SPAG16: variants seen among roughly 807,000 people sequenced by gnomAD.
SPAG16 encodes the protein sperm associated antigen 16.
A neutral mutation model predicts 80.4 loss-of-function variants in SPAG16; 86 were observed. That is an observed-to-expected ratio of 1.07 (90% CI 0.90 to 1.28). The LOEUF is 1.28. SPAG16 is among the 50% of genes most tolerant of loss of function. The pLI is 0.00. For missense variants in SPAG16, 870 were observed against 765.3 expected (o/e 1.14, Z -1.61); for synonymous variants, 294 against 265.9 (o/e 1.11, Z -1.03).
At chr2:213,909,348 A>G (rs2077562513) in intron 11 of SPAG16, among the ~76,000 whole-genome samples, 2 of 152,168 alleles carry the variant, frequency 1.3e-5, no homozygotes, top group Admixed American at 6.5e-5. Context: ...GCTACCAATG[A>G]CTTTCTTCAC....
intron 10 of SPAG16, among the ~76,000 whole-genome samples, chr2:213,603,464 A>G (rs977347009): frequency 1.3e-5 from 2 of 152,156 alleles, no homozygotes; most frequent in African/African-American, 4.8e-5. Context: ...TTTATTAATT[A>G]TTTTCTTCAT....
At chr2:213,649,366 G>A (rs1379069471) in intron 10 of SPAG16, among the ~76,000 whole-genome samples, 1 of 152,192 alleles carries the variant, frequency 6.6e-6, no homozygotes, top group Non-Finnish European at 1.5e-5. Context: ...ATACAATGAG[G>A]AGGTAGCTGG....
chr2:213,931,686 C>T (rs2078757513), intron 12 of SPAG16, among the ~76,000 whole-genome samples: 1 of 152,136 alleles, frequency 6.6e-6, no homozygotes, highest in South Asian at 2.1e-4. Flanking sequence ...GACTTGACAA[C>T]TTTTCTTTAT....
At chr2:214,128,416 C>T (rs902582441) in intron 14 of SPAG16, among the ~76,000 whole-genome samples, 10 of 151,766 alleles carry the variant, frequency 6.6e-5, no homozygotes, top group African/African-American at 1.9e-4. Context: ...AAGCTCTACT[C>T]AAGGCTTTTC....
At chr2:213,512,259 T>C (rs1359297374) in intron 10 of SPAG16, among the ~76,000 whole-genome samples, 1 of 152,138 alleles carries the variant, frequency 6.6e-6, no homozygotes, top group Non-Finnish European at 1.5e-5. Flanking sequence ...AGGTGGAGTA[T>C]ACATTTACTG....
intron 12 of SPAG16, among the ~76,000 whole-genome samples, chr2:213,984,305 G>A (rs2045903945): frequency 6.6e-6 from 1 of 152,016 alleles, no homozygotes; most frequent in South Asian, 2.1e-4. Context: ...GTTTGACAGT[G>A]TGCACACACA....
At chr2:213,626,610 GAC>G (rs2061967476) in intron 10 of SPAG16, among the ~76,000 whole-genome samples, 1 of 149,428 alleles carries the variant, frequency 6.7e-6, no homozygotes, top group South Asian at 2.1e-4. Context: ...AAGTTTGCAT[GAC>G]ACACTAGATA....
intron 15 of SPAG16, among the ~76,000 whole-genome samples, chr2:214,253,930 C>T (rs1206986810): frequency 6.6e-6 from 1 of 152,046 alleles, no homozygotes; most frequent in Admixed American, 6.6e-5. Context: ...TCTTCGTATC[C>T]ATGAGCATGG....
At chr2:213,561,176 C>A (rs766752902) in intron 10 of SPAG16, among the ~76,000 whole-genome samples, 14 of 152,248 alleles carry the variant, frequency 9.2e-5, no homozygotes, top group Middle Eastern at 3.4e-3. Flanking sequence ...CAACCATTAG[C>A]TTTTGTCCAG....
At chr2:214,170,646 T>G (rs1023551008) in intron 15 of SPAG16, among the ~76,000 whole-genome samples, 2 of 152,040 alleles carry the variant, frequency 1.3e-5, no homozygotes, top group Non-Finnish European at 1.5e-5. Context: ...AGACTGCCTA[T>G]CTTCAGGATA....
At chr2:214,405,024 T>G (rs993095993) in intron 15 of SPAG16, among the ~76,000 whole-genome samples, 6 of 152,130 alleles carry the variant, frequency 3.9e-5, no homozygotes, top group African/African-American at 1.4e-4. Flanking sequence ...ATTATGAGAT[T>G]AACATGAGCA....
At chr2:214,108,076 G>A (rs2053470234) in intron 13 of SPAG16, 120 bp from the exon 14 acceptor site, 1 of 670,728 alleles carries the variant, frequency 1.5e-6, no homozygotes, top group Admixed American at 2.7e-5. Flanking sequence ...TCTATGGTGA[G>A]AATGTATTAA....
intron 4 of SPAG16, among the ~76,000 whole-genome samples, chr2:213,314,885 C>G (rs1403367562): frequency 6.6e-6 from 1 of 151,804 alleles, no homozygotes; most frequent in Non-Finnish European, 1.5e-5. Flanking sequence ...TACCTATTTC[C>G]TGTTTTATGA....
At chr2:213,453,268 C>T (rs957048033) in intron 9 of SPAG16, among the ~76,000 whole-genome samples, 1 of 152,138 alleles carries the variant, frequency 6.6e-6, no homozygotes, top group Non-Finnish European at 1.5e-5. Context: ...TCTAACCTCT[C>T]ATAGTGTCTG....
At chr2:213,395,642 G>A (rs1470339016) in intron 9 of SPAG16, among the ~76,000 whole-genome samples, 1 of 152,068 alleles carries the variant, frequency 6.6e-6, no homozygotes, top group African/African-American at 2.4e-5. Flanking sequence ...ATGATAAAAT[G>A]CCCTATCATT....
At chr2:213,992,509 A>T (rs995360602) in intron 12 of SPAG16, among the ~76,000 whole-genome samples, 3 of 152,198 alleles carry the variant, frequency 2.0e-5, no homozygotes, top group Admixed American at 6.6e-5. Flanking sequence ...ATCCATTTTT[A>T]AAATTATTAT....
chr2:213,444,729 A>G (rs1275361602), intron 9 of SPAG16, among the ~76,000 whole-genome samples: 1 of 152,116 alleles, frequency 6.6e-6, no homozygotes, highest in Admixed American at 6.5e-5. Context: ...TCATAGGAAA[A>G]GAAAAAAAAT....
At chr2:213,402,793 A>G (rs1334412724) in intron 9 of SPAG16, among the ~76,000 whole-genome samples, 4 of 152,154 alleles carry the variant, frequency 2.6e-5, no homozygotes, top group Non-Finnish European at 5.9e-5. Flanking sequence ...TCCATGGTGT[A>G]TATGTCCCAC....
intron 10 of SPAG16, among the ~76,000 whole-genome samples, chr2:213,681,312 A>T (rs2064366704): frequency 6.6e-6 from 1 of 152,212 alleles, no homozygotes; most frequent in Non-Finnish European, 1.5e-5. Context: ...TATAGGGTCA[A>T]ATAAAATCCA....
Sources: gnomAD v4.1 joint callset for allele counts (sites outside exome capture counted in the v4.1 genomes callset) on GRCh38, gnomAD v4.1.1 for gene constraint, MANE v1.5 for transcripts, NCBI Gene and HGNC (gene_info 2026-07-23, HGNC 2026-07-21) for gene names.